EYS: variants seen among roughly 807,000 people sequenced by gnomAD.
EYS encodes the protein protein eyes shut homolog.
Under a neutral mutation model 282.1 loss-of-function variants are expected in EYS, and 250 were observed. The observed-to-expected ratio is 0.89, with a 90% CI of 0.80 to 0.98. EYS has a LOEUF of 0.98. Among genes scored for constraint, EYS ranks in the 50% least tolerant of loss-of-function variants. The probability of loss-of-function intolerance (pLI) is 0.00; values close to 1 mark genes in which losing one functional copy is unlikely to be tolerated. For missense variants in EYS, 4,016 were observed against 3,709.0 expected, an observed-to-expected ratio of 1.08 and a Z score of -2.15; for synonymous variants, 1,355 against 1,282.9, an observed-to-expected ratio of 1.06 and a Z score of -1.20.
intron 12 of EYS, among the ~76,000 whole-genome samples, chr6:65,127,066 CTG>C (rs1462302357): frequency 6.6e-6 from 1 of 152,080 alleles, no homozygotes; most frequent in East Asian, 1.9e-4. Flanking sequence ...ACAATGAAAA[CTG>C]TTTCAAAATT....
At chr6:64,461,173 A>G (rs1007911977) in intron 26 of EYS, among the ~76,000 whole-genome samples, 1 of 152,204 alleles carries the variant, frequency 6.6e-6, no homozygotes, top group Non-Finnish European at 1.5e-5. Context: ...CTGCTTGTTG[A>G]AAACTCTAAG....
rs562191167 is a variant in EYS at position 63,903,622 on chromosome 6, G to A, written c.7056-39264C>T. 3.9e-5 allele frequency among the ~76,000 whole-genome samples: 6 copies of A among 152,112 alleles called. No individual in the cohort carries two copies. The East Asian group carries it at 9.7e-4, about 24-fold the overall frequency. ...CCCTTTACCCTAGTCCCCCTACCCC[G>A]CTACACTTATAACTTTCTCATAACT... is the stretch of plus-strand genomic sequence containing the variant. On this transcript the variant is annotated intron_variant, in intron 35 of 42. Coordinates refer to ENST00000503581, the MANE Select transcript of EYS (RefSeq NM_001142800.2).
At chr6:65,463,404 T>C (rs1021191823) in intron 5 of EYS, among the ~76,000 whole-genome samples, 1 of 152,192 alleles carries the variant, frequency 6.6e-6, no homozygotes, top group South Asian at 2.1e-4. Context: ...ATAAAATTGG[T>C]AAACCTATTC....
chr6:64,423,033 G>A (rs1020791261), intron 28 of EYS, among the ~76,000 whole-genome samples: 1 of 151,880 alleles, frequency 6.6e-6, no homozygotes, highest in African/African-American at 2.4e-5. Context: ...TGCCTGTTTT[G>A]TAAATATTTA....
intron 26 of EYS, among the ~76,000 whole-genome samples, chr6:64,471,808 GCATCA>G (rs1172595253): frequency 6.6e-6 from 1 of 152,118 alleles, no homozygotes; most frequent in Admixed American, 6.6e-5. Flanking sequence ...AAAGCTGGAA[GCATCA>G]CACTCTTTGA....
Position 65,227,447 on chromosome 6 carries a change from C to T in EYS, c.2023+68416G>A, listed in dbSNP as rs566349415. On this transcript the variant is annotated intron_variant, in intron 12 of 42. Coordinates refer to ENST00000503581, the MANE Select transcript of EYS (RefSeq NM_001142800.2). ...AACATGAAATAATTAGAATTATCTG[C>T]ACTGCTTGTGGAAGTATAAAACGAT... Among the ~76,000 whole-genome samples the T allele has an allele frequency of 3.9e-5, 6 of 152,190 alleles. No homozygotes were observed. The South Asian group carries it at 6.2e-4, about 16-fold the overall frequency.
chr6:64,170,573 A>G (rs1764449317), intron 31 of EYS, among the ~76,000 whole-genome samples: 2 of 150,318 alleles, frequency 1.3e-5, no homozygotes, highest in African/African-American at 4.9e-5. Context: ...CTACCCTGTC[A>G]TCTCTCTGTG....
At chr6:65,016,588 A>T (rs1193447263) in intron 13 of EYS, among the ~76,000 whole-genome samples, 3 of 152,340 alleles carry the variant, frequency 2.0e-5, no homozygotes, top group East Asian at 1.9e-4. Context: ...ATCATGTAGG[A>T]TATGTAAATT....
intron 22 of EYS, among the ~76,000 whole-genome samples, chr6:64,714,170 T>A (rs960135487): frequency 1.3e-5 from 2 of 152,164 alleles, no homozygotes; most frequent in Admixed American, 1.3e-4. Flanking sequence ...TCAAGAAATG[T>A]TTGATAGACA....
intron 23 of EYS, among the ~76,000 whole-genome samples, chr6:64,624,127 G>A (rs1055901073): frequency 2.0e-5 from 3 of 152,078 alleles, no homozygotes; most frequent in African/African-American, 4.8e-5. Context: ...TTTGAATAAC[G>A]CCTAGCAATA....
At chr6:64,084,748 C>T (rs962473328) in intron 31 of EYS, among the ~76,000 whole-genome samples, 3 of 152,088 alleles carry the variant, frequency 2.0e-5, no homozygotes, top group Non-Finnish European at 2.9e-5. Flanking sequence ...TAATGTAATA[C>T]GGAAAGTTTT....
At chr6:63,908,010 AC>A (rs1384670689) in intron 35 of EYS, among the ~76,000 whole-genome samples, 2 of 12,600 alleles carry the variant, frequency 1.6e-4, no homozygotes, top group Admixed American at 1.5e-3. Context: ...ACACACACAA[AC>A]GTATATATAT....
chr6:65,336,363 A>C (rs2150314620), intron 10 of EYS, among the ~76,000 whole-genome samples: 1 of 151,830 alleles, frequency 6.6e-6, no homozygotes, highest in Non-Finnish European at 1.5e-5. Flanking sequence ...TAAAAAAATC[A>C]GTTTTGATTT....
At chr6:63,812,878 A>G (rs1162654592) in intron 36 of EYS, among the ~76,000 whole-genome samples, 1 of 152,204 alleles carries the variant, frequency 6.6e-6, no homozygotes, top group Non-Finnish European at 1.5e-5. Flanking sequence ...TTTTGCAATA[A>G]TATGGAATCT....
At position 64,792,856 on chromosome 6, in the gene EYS, A is replaced by ATGTGTGTGTGTGTGTGTGTGTGTGTGTG. The variant is rs758915162; in HGVS notation, c.3443+20521_3443+20522insCACACACACACACACACACACACACACA. On this transcript the variant is annotated intron_variant, in intron 22 of 42. Transcript: ENST00000503581. ...TGTTTTAATTTCATACGATCTTGAC[A>ATGTGTGTGTGTGTGTGTGTGTGTGTGTG]CGTGTGTGTGTGTGTGTGTGTTAGA... 1.1e-4 allele frequency among the ~76,000 whole-genome samples: 8 copies of ATGTGTGTGTGTGTGTGTGTGTGTGTGTG among 70,976 alleles called. No homozygotes were observed. The East Asian group carries it at 3.1e-3, about 27-fold the overall frequency. 46.6% of individuals were successfully genotyped at this position (70,976 alleles called of 152,430 possible). A position where few individuals can be genotyped will look rare whatever the true frequency, so the allele number is the denominator to read the frequency against.
At chr6:64,852,282 G>A (rs913656102) in intron 19 of EYS, among the ~76,000 whole-genome samples, 1 of 152,250 alleles carries the variant, frequency 6.6e-6, no homozygotes, top group South Asian at 2.1e-4. Flanking sequence ...CCCTTAATCT[G>A]GGTGGGGACC....
At chr6:65,171,864 G>T (rs549814126) in intron 12 of EYS, among the ~76,000 whole-genome samples, 6 of 151,440 alleles carry the variant, frequency 4.0e-5, no homozygotes, top group African/African-American at 1.5e-4. Context: ...TATAATTTTT[G>T]TTGTATTTTA....
intron 26 of EYS, among the ~76,000 whole-genome samples, chr6:64,545,469 G>C (rs1166447757): frequency 1.3e-5 from 2 of 152,200 alleles, no homozygotes; most frequent in African/African-American, 4.8e-5. Flanking sequence ...ACAAGACAGG[G>C]ATGCCCTCTC....
At chr6:65,496,662 G>A (rs574860740) in intron 2 of EYS, among the ~76,000 whole-genome samples, 1 of 152,134 alleles carries the variant, frequency 6.6e-6, no homozygotes, top group Admixed American at 6.6e-5. Flanking sequence ...GAATGACTAC[G>A]TAAACATATA....
Sources: gnomAD v4.1 joint callset for allele counts (sites outside exome capture counted in the v4.1 genomes callset) on GRCh38, gnomAD v4.1.1 for gene constraint, MANE v1.5 for transcripts, NCBI Gene and HGNC (gene_info 2026-07-23, HGNC 2026-07-21) for gene names.